Variants in USH2A observed in about 807,000 individuals in gnomAD.
USH2A encodes the protein usherin, also known as Usher syndrome 2A (autosomal recessive, mild).
In USH2A, 443 loss-of-function variants were observed where a neutral mutation model predicts 538.9. That is an observed-to-expected ratio of 0.82 (90% CI 0.76 to 0.89). USH2A has a LOEUF of 0.89. Ranked by LOEUF, USH2A falls within the 40% of genes least tolerant of loss-of-function variation. The pLI is 0.00. For synonymous variants in USH2A, 2,413 were observed against 2,273.5 expected (o/e 1.06, Z -1.75); for missense variants, 6,633 against 6,324.8 (o/e 1.05, Z -1.65).
intron 21 of USH2A, among the ~76,000 whole-genome samples, chr1:216,125,318 C>T (rs2033228145): frequency 6.6e-6 from 1 of 152,022 alleles, no homozygotes; most frequent in Non-Finnish European, 1.5e-5. Flanking sequence ...ATATGGGACC[C>T]CTTCTTCTCC....
chr1:216,332,003 T>C (rs2037873987), intron 4 of USH2A, among the ~76,000 whole-genome samples: 1 of 152,120 alleles, frequency 6.6e-6, no homozygotes, highest in Non-Finnish European at 1.5e-5. Context: ...GACTGAATAT[T>C]GGTAAGAACA....
Position 216,422,386 on chromosome 1 carries a change from T to C in USH2A, c.-50A>G. The C allele has an allele frequency of 1.9e-6, 3 of 1,611,586 alleles. No homozygotes were observed. The highest frequency in any genetic ancestry group is 2.5e-6 in the Non-Finnish European group (3 of 1,179,208). On this transcript the variant is annotated 5_prime_UTR_variant, in exon 2 of 72. Coordinates refer to ENST00000307340, the MANE Select transcript of USH2A (RefSeq NM_206933.4). ...TGATAAAGCATTTCTAAATAAATAA[T>C]CAGGCCCACGCCACTTGCCAGCAAT... is the stretch of plus-strand genomic sequence containing the variant.
At chr1:216,159,206 T>A (rs938374780) in intron 21 of USH2A, among the ~76,000 whole-genome samples, 1 of 152,146 alleles carries the variant, frequency 6.6e-6, no homozygotes, top group African/African-American at 2.4e-5. Context: ...TTGCTCTGGC[T>A]AGTACTATAC....
chr1:215,630,528 G>GAA (rs771762989), intron 70 of USH2A, among the ~76,000 whole-genome samples: 1,308 of 124,106 alleles, frequency 0.011, 13 homozygotes, highest in Non-Finnish European at 0.016. Flanking sequence ...ATATATATAT[G>GAA]AGAGAGAGAA....
chr1:215,661,905 G>A (rs1657446936), intron 64 of USH2A, among the ~76,000 whole-genome samples: 1 of 152,060 alleles, frequency 6.6e-6, no homozygotes, highest in South Asian at 2.1e-4. Flanking sequence ...GGTCTGTTTT[G>A]CCATCACTCA....
intron 38 of USH2A, among the ~76,000 whole-genome samples, chr1:215,906,028 A>C (rs1665631984): frequency 6.6e-6 from 1 of 152,140 alleles, no homozygotes; most frequent in African/African-American, 2.4e-5. Context: ...ATTAAAGTTC[A>C]GACACATATA....
Position 215,838,030 on chromosome 1 carries a change from C to T in USH2A, c.9332G>A (p.Ser3111Asn), listed in dbSNP as rs1252336015. 1 of 1,613,914 alleles carries T rather than the reference C, an allele frequency of 6.2e-7. No homozygotes were observed. The highest frequency in any genetic ancestry group is 8.5e-7 in the Non-Finnish European group (1 of 1,179,956). The change falls in exon 47 of 72, where the codon AGT becomes AAT. Residue 3111 changes from serine to asparagine, a missense_variant. Ser to Asn is a conservative substitution (Grantham distance 46). Transcript: ENST00000307340. ...TQITTVEDTP[S>N]DIPTPTIRGI... is the part of the protein sequence containing the mutation. ...ACGAATTGTGGGTGTTGGTATATCA[C>T]TTGGAGTGTCTTCCACAGTGGTAAT...
intron 21 of USH2A, among the ~76,000 whole-genome samples, chr1:216,097,759 C>T (rs2032474922): frequency 6.6e-6 from 1 of 152,186 alleles, no homozygotes; most frequent in African/African-American, 2.4e-5. Context: ...CTTCAGAGCA[C>T]ATACTAGCCC....
chr1:216,046,714 T>G, intron 31 of USH2A, 122 bp from the exon 32 acceptor site: 1 of 1,169,594 alleles, frequency 8.5e-7, no homozygotes, highest in Non-Finnish European at 1.2e-6. Flanking sequence ...TATTCCCGAT[T>G]CGTGGGCAGC....
chr1:215,924,298 G>C (rs1209454905), intron 38 of USH2A, among the ~76,000 whole-genome samples: 1 of 151,942 alleles, frequency 6.6e-6, no homozygotes, highest in Non-Finnish European at 1.5e-5. Context: ...TTTAGACTCT[G>C]GGGGGTCTAT....
At chr1:215,940,119 T>A (rs375643612) in intron 37 of USH2A, among the ~76,000 whole-genome samples, 1 of 152,170 alleles carries the variant, frequency 6.6e-6, no homozygotes, top group Non-Finnish European at 1.5e-5. Flanking sequence ...GAGGATTTTA[T>A]ATGTCAGGCC....
At chr1:216,037,357 T>C (rs1030486837) in intron 32 of USH2A, among the ~76,000 whole-genome samples, 3 of 152,112 alleles carry the variant, frequency 2.0e-5, no homozygotes, top group Admixed American at 1.3e-4. Flanking sequence ...GCAGATGTTA[T>C]TGTTTTTTGG....
intron 32 of USH2A, among the ~76,000 whole-genome samples, chr1:216,032,296 A>C (rs2102512609): frequency 6.6e-6 from 1 of 152,238 alleles, no homozygotes; most frequent in Non-Finnish European, 1.5e-5. Flanking sequence ...TTGATTATTT[A>C]CCATTTTTAG....
chr1:215,888,979 C>G lies in USH2A; in HGVS notation c.7670G>C (p.Arg2557Thr), dbSNP rs143628000. 36 of 1,613,892 alleles carry G rather than the reference C, an allele frequency of 2.2e-5. No individual in the cohort carries two copies. Among genetic ancestry groups the G allele is most frequent in the Non-Finnish European group, 2.9e-5 (34 of 1,179,992 alleles). ...ATGGGTAATAACCCCATTGGATTTT[C>G]TAGGATGCTGCCAGGTGACCAACAT... The part of the protein sequence containing the change: ...RMMLVTWQHP[R>T]KSNGVITHYN... The change falls in exon 41 of 72, where the codon AGA (arginine) becomes ACA (threonine). Residue 2557 changes from arginine (R) to threonine (T), a missense_variant. Transcript: ENST00000307340.
intron 21 of USH2A, among the ~76,000 whole-genome samples, chr1:216,121,818 C>T (rs1390149528): frequency 6.6e-6 from 1 of 152,136 alleles, no homozygotes; most frequent in Non-Finnish European, 1.5e-5. Flanking sequence ...TTATGTAGTG[C>T]TTCATTATAA....
At chr1:215,676,477 C>G (rs1658032024) in intron 62 of USH2A, among the ~76,000 whole-genome samples, 1 of 152,130 alleles carries the variant, frequency 6.6e-6, no homozygotes, top group South Asian at 2.1e-4. Context: ...CGATGACTCC[C>G]TATCATGGTG....
intron 32 of USH2A, among the ~76,000 whole-genome samples, chr1:216,018,229 C>T (rs1309133070): frequency 6.6e-6 from 1 of 152,118 alleles, no homozygotes; most frequent in Non-Finnish European, 1.5e-5. Context: ...GAAGATGGCA[C>T]ACTGAAATGG....
At chr1:215,995,493 T>C (rs1235783352) in intron 34 of USH2A, among the ~76,000 whole-genome samples, 1 of 152,190 alleles carries the variant, frequency 6.6e-6, no homozygotes, top group East Asian at 1.9e-4. Context: ...TAAATGTTCT[T>C]AAAGCTGCTT....
chr1:215,758,545 T>C (rs1177579805), intron 58 of USH2A, 50 bp downstream of exon 58: 1 of 1,577,104 alleles, frequency 6.3e-7, no homozygotes, highest in South Asian at 1.1e-5. Context: ...TCTAATTAAT[T>C]CCTTTAAAAT....
Sources: allele counts gnomAD v4.1 joint callset (sites outside exome capture counted in the v4.1 genomes callset), GRCh38; gene constraint gnomAD v4.1.1; transcripts MANE v1.5; gene names NCBI Gene and HGNC (gene_info 2026-07-23, HGNC 2026-07-21).